The following TRAPPC2 variants were observed in gnomAD, a reference collection of about 807,000 sequenced individuals.
The protein encoded by TRAPPC2 is trafficking protein particle complex subunit 2, also known as sedlin.
Under a neutral mutation model 10.0 loss-of-function variants are expected in TRAPPC2, and 4 were observed. The ratio of observed to expected loss-of-function variants is 0.40; its 90% CI spans 0.20 to 0.92. TRAPPC2 has a LOEUF of 0.92. Among genes scored for constraint, TRAPPC2 ranks in the 40% least tolerant of loss-of-function variants. The probability of loss-of-function intolerance (pLI) is 0.35; values close to 1 mark genes in which losing one functional copy is unlikely to be tolerated. For missense variants in TRAPPC2, 52 were observed against 108.7 expected, an observed-to-expected ratio of 0.48 and a Z score of 2.32; for synonymous variants, 36 against 37.3, an observed-to-expected ratio of 0.97 and a Z score of 0.12.
intron 4 of TRAPPC2, 112 bp from the exon 5 acceptor site, chrX:13,716,201 T>G: frequency 1.2e-6 from 1 of 842,567 alleles, no homozygotes. Context: ...GATGGAAAAG[T>G]TGAATATATA....
At chrX:13,715,197 G>A (rs1164671717) in intron 5 of TRAPPC2, among the ~76,000 whole-genome samples, 1 of 113,101 alleles carries the variant, frequency 8.8e-6, no homozygotes, top group African/African-American at 3.2e-5. Context: ...TATGGGCCAG[G>A]CATGGTGGCT....
At position 13,714,325 on chromosome X, in the gene TRAPPC2, A is replaced by G. The variant is rs939946129; in HGVS notation, c.*82T>C. 8 of 589,317 alleles carry G rather than the reference A, an allele frequency of 1.4e-5. No individual in the cohort carries two copies. Among genetic ancestry groups the G allele is most frequent in the Non-Finnish European group, 1.8e-5 (7 of 391,818 alleles). The allele number at this position is 589,317 out of a possible 1,213,427, so 48.6% of individuals were successfully genotyped here. ...AGAATACACAAAAGTTTTCCAGGCTATTTAATCAAGTAACTTACAATGTAC... is the reference window on the plus strand; with the variant it reads ...AGAATACACAAAAGTTTTCCAGGCTGTTTAATCAAGTAACTTACAATGTAC... On this transcript the variant is annotated 3_prime_UTR_variant, in exon 6 of 6. Transcript: ENST00000380579.
chrX:13,730,070 T>C (rs1399122505), intron 2 of TRAPPC2, among the ~76,000 whole-genome samples: 2 of 111,099 alleles, frequency 1.8e-5, no homozygotes, highest in Non-Finnish European at 1.9e-5. Context: ...AATAGACAGA[T>C]GGGATCTAAT....
Position 13,716,583 on chromosome X carries a change from A to G in TRAPPC2, c.189T>C (p.Thr63=), listed in dbSNP as rs764458142. ...CAAACCACTCGTTGAACTTGTCCAC[A>G]GTTTTCAAGTACATGTTGTTCGATA... ...MWLSNNMYLK[T]VDKFNEWFVS... Residue 63 remains threonine, a synonymous_variant, in exon 4 of 6, where the codon ACT becomes ACC. Transcript: ENST00000380579. 5 of 1,211,748 alleles carry G rather than the reference A, an allele frequency of 4.1e-6. No homozygotes were observed. Among genetic ancestry groups the G allele is most frequent in the South Asian group, 1.8e-5 (1 of 56,957 alleles).
chrX:13,714,481 G>A lies in TRAPPC2; in HGVS notation c.349C>T (p.Pro117Ser). 5 of 1,155,107 alleles carry A rather than the reference G, an allele frequency of 4.3e-6. No individual in the cohort carries two copies. The highest frequency in any genetic ancestry group is 5.8e-6 in the Non-Finnish European group (5 of 860,097). ...GCACTTGATCGAATAGGAGAATTGG[G>A]TTCATAAAATGGATTCATTGAAAAC... ...IKFSMNPFYE[P>S]NSPIRSSAFD... is the part of the protein sequence containing the mutation. Residue 117 changes from proline (P) to serine (S), a missense_variant, in exon 6 of 6, where the codon CCC becomes TCC. By Grantham distance (74) the Pro-to-Ser change is moderately conservative. Coordinates refer to ENST00000380579, the MANE Select transcript of TRAPPC2 (RefSeq NM_001011658.4).
Position 13,725,373 on chromosome X carries a change from G to A in TRAPPC2, c.-19-5391C>T, listed in dbSNP as rs761730335. On this transcript the variant is annotated intron_variant, in intron 2 of 5. Transcript: ENST00000380579. ...GGGCCGACAGACACCTCATATAGGCGGGTGCCCCTCTGGGATGAAGCTTCC... is the reference window on the plus strand; with the variant it reads ...GGGCCGACAGACACCTCATATAGGCAGGTGCCCCTCTGGGATGAAGCTTCC... Among the ~76,000 whole-genome samples, 8 of 112,057 alleles carry A rather than the reference G, an allele frequency of 7.1e-5. No homozygotes were observed. The South Asian group carries it at 1.5e-3, about 21-fold the overall frequency.
At chrX:13,720,090 AG>A in intron 2 of TRAPPC2, 108 bp from the exon 3 acceptor site, 1 of 553,042 alleles carries the variant, frequency 1.8e-6, no homozygotes, top group South Asian at 5.1e-5. Flanking sequence ...GACATTGTAG[AG>A]GAAGATGCTA....
intron 3 of TRAPPC2, 131 bp from the exon 4 acceptor site, chrX:13,716,809 T>C (rs2046297099): frequency 3.1e-6 from 2 of 650,258 alleles, no homozygotes; most frequent in Non-Finnish European, 4.7e-6. Flanking sequence ...ACTTTGTTAT[T>C]GTCATGAGAC....
At chrX:13,726,978 T>C (rs1490178521) in intron 2 of TRAPPC2, among the ~76,000 whole-genome samples, 2 of 111,528 alleles carry the variant, frequency 1.8e-5, no homozygotes, top group Admixed American at 1.9e-4. Context: ...TAAAACAGAC[T>C]TTAAACCAAC....
intron 2 of TRAPPC2, among the ~76,000 whole-genome samples, chrX:13,728,728 A>G (rs1291082475): frequency 8.9e-6 from 1 of 112,103 alleles, no homozygotes; most frequent in Non-Finnish European, 1.9e-5. Flanking sequence ...CCTATTCAAC[A>G]TAGTGTTGGA....
intron 3 of TRAPPC2, among the ~76,000 whole-genome samples, chrX:13,718,954 C>T (rs748779163): frequency 3.6e-5 from 4 of 110,707 alleles, no homozygotes; most frequent in African/African-American, 1.3e-4. Flanking sequence ...GTCAGGAGTT[C>T]GAGACCAGCC....
At chrX:13,734,016 C>T (rs1290343184) in intron 2 of TRAPPC2, 28 bp downstream of exon 2, 1 of 514,612 alleles carries the variant, frequency 1.9e-6, no homozygotes, top group East Asian at 3.6e-5. Flanking sequence ...TTTCTAATTA[C>T]ATTTAAGCAT....
chrX:13,734,492 C>G (rs1214059828), intron 1 of TRAPPC2, 33 bp downstream of exon 1: 1 of 220,946 alleles, frequency 4.5e-6, no homozygotes, highest in African/African-American at 2.9e-5. Flanking sequence ...ACTCAAAACA[C>G]CCGCCCCCCG....
chrX:13,716,710 C>T (rs777025264), intron 3 of TRAPPC2, 32 bp from the exon 4 acceptor site: 1 of 1,203,118 alleles, frequency 8.3e-7, no homozygotes, highest in East Asian at 3.0e-5. Flanking sequence ...CACAGATTAA[C>T]ATTTGCATAT....
At chrX:13,721,560 TAGCA>T (rs2146809344) in intron 2 of TRAPPC2, 1 of 111,983 alleles carries the variant, frequency 8.9e-6, no homozygotes, top group East Asian at 2.8e-4. Context: ...AGCCAAGACT[TAGCA>T]AGCCTCATTG....
At chrX:13,724,418 AAG>A (rs1200051000) in intron 2 of TRAPPC2, among the ~76,000 whole-genome samples, 3 of 109,269 alleles carry the variant, frequency 2.7e-5, no homozygotes, top group South Asian at 3.9e-4. Context: ...AAAAAAAAAA[AAG>A]AGGCTTTTTA....
At chrX:13,729,807 C>G (rs1335581366) in intron 2 of TRAPPC2, among the ~76,000 whole-genome samples, 1 of 111,534 alleles carries the variant, frequency 9.0e-6, no homozygotes, top group East Asian at 2.8e-4. Flanking sequence ...ACTCGGGAGG[C>G]AGAAGCAGAA....
intron 2 of TRAPPC2, among the ~76,000 whole-genome samples, chrX:13,728,813 C>A (rs2046610809): frequency 1.8e-5 from 2 of 111,943 alleles, no homozygotes; most frequent in South Asian, 7.4e-4. Flanking sequence ...GTCAAGTTGT[C>A]CCTGTTTGCA....
Position 13,719,928 on chromosome X carries a change from G to A in TRAPPC2, c.36C>T (p.His12=), listed in dbSNP as rs1203243803. Residue 12 remains histidine, a synonymous_variant, in exon 3 of 6, where the codon CAC becomes CAT. Coordinates refer to ENST00000380579, the MANE Select transcript of TRAPPC2 (RefSeq NM_001011658.4). The stretch of plus-strand genomic sequence containing the variant: ...CCATTTCAAAAACTGGATTATCATG[G>A]TGGCCAACAATTACAAAGTAGAAGC... The part of the protein sequence containing the change: ...SGSFYFVIVG[H]HDNPVFEMEF... 6.7e-6 allele frequency: 8 copies of A among 1,200,325 alleles called. No individual in the cohort carries two copies. Among genetic ancestry groups the A allele is most frequent in the Non-Finnish European group, 1.1e-6 (1 of 890,592 alleles).
Sources: allele counts gnomAD v4.1 joint callset (sites outside exome capture counted in the v4.1 genomes callset), GRCh38; gene constraint gnomAD v4.1.1; transcripts MANE v1.5; gene names NCBI Gene and HGNC (gene_info 2026-07-23, HGNC 2026-07-21).